Variants in ALK observed in about 807,000 individuals in gnomAD.
The protein encoded by ALK is ALK tyrosine kinase receptor.
ALK carries 74 observed loss-of-function variants against 163.1 expected under a neutral mutation model. The ratio of observed to expected loss-of-function variants is 0.45; its 90% CI spans 0.38 to 0.55. The LOEUF is 0.55. ALK is among the 20% of genes least tolerant of loss of function. The probability of loss-of-function intolerance (pLI) is 0.00; values close to 1 mark genes in which losing one functional copy is unlikely to be tolerated. For synonymous variants in ALK, 960 were observed against 843.2 expected, an observed-to-expected ratio of 1.14 and a Z score of -2.40; for missense variants, 2,063 against 2,105.3, an observed-to-expected ratio of 0.98 and a Z score of 0.39.
intron 4 of ALK, among the ~76,000 whole-genome samples, chr2:29,385,323 A>G (rs562089718): frequency 1.0e-3 from 157 of 152,216 alleles, no homozygotes; most frequent in Middle Eastern, 6.8e-3. Context: ...AAAGTCACCT[A>G]GAATACCATT....
intron 6 of ALK, among the ~76,000 whole-genome samples, chr2:29,325,714 G>A (rs1573235442): frequency 2.0e-5 from 3 of 152,222 alleles, no homozygotes; most frequent in East Asian, 1.9e-4. Context: ...GTTTGATCGT[G>A]GACAACCACT....
rs145440822 is a variant in ALK at position 29,920,087 on chromosome 2, G to A, written c.573C>T (p.Pro191=). Residue 191 remains proline (P), a synonymous_variant, in exon 1 of 29, where the codon CCC becomes CCT. Transcript: ENST00000389048. ...GEGRLRIRLM[P]EKKASEVGRE... is the part of the protein sequence containing the mutation. ...TGCCCACTTCCGACGCCTTCTTCTC[G>A]GGCATCAGGCGGATCCTCAGTCGCC... 7 of 1,614,050 alleles carry A rather than the reference G, an allele frequency of 4.3e-6. No individual in the cohort carries two copies. The Admixed American group carries it at 8.3e-5, about 19-fold the overall frequency.
intron 5 of ALK, among the ~76,000 whole-genome samples, chr2:29,379,526 A>G (rs900304294): frequency 7.9e-5 from 12 of 152,220 alleles, no homozygotes; most frequent in African/African-American, 2.9e-4. Context: ...CAATTATAAA[A>G]CACCTACTAA....
intron 1 of ALK, among the ~76,000 whole-genome samples, chr2:29,901,157 C>T (rs557479128): frequency 9.3e-4 from 141 of 152,316 alleles, no homozygotes; most frequent in African/African-American, 3.3e-3. Context: ...CTAGGCAAGT[C>T]ACTTAACCCC....
chr2:29,730,556 C>A (rs1391420205), intron 1 of ALK, among the ~76,000 whole-genome samples: 2 of 152,110 alleles, frequency 1.3e-5, no homozygotes, highest in East Asian at 1.9e-4. Context: ...TTCATTTAAG[C>A]CTTTGATCCT....
At chr2:29,330,437 C>A (rs1438045589) in intron 5 of ALK, among the ~76,000 whole-genome samples, 2 of 152,202 alleles carry the variant, frequency 1.3e-5, no homozygotes, top group Non-Finnish European at 2.9e-5. Context: ...AACCTGCCTC[C>A]AGAACGCTTG....
chr2:29,638,192 C>T (rs780065589), intron 3 of ALK, among the ~76,000 whole-genome samples: 3 of 152,216 alleles, frequency 2.0e-5, no homozygotes, highest in Non-Finnish European at 4.4e-5. Flanking sequence ...GGGACACCAG[C>T]ACCTGCTAAC....
At chr2:29,805,996 G>C (rs1231260024) in intron 1 of ALK, among the ~76,000 whole-genome samples, 1 of 152,126 alleles carries the variant, frequency 6.6e-6, no homozygotes, top group Non-Finnish European at 1.5e-5. Context: ...GTACATGTGA[G>C]TGAGGAGGTG....
chr2:29,771,213 G>A (rs1299102090), intron 1 of ALK, among the ~76,000 whole-genome samples: 1 of 151,858 alleles, frequency 6.6e-6, no homozygotes, highest in Non-Finnish European at 1.5e-5. Context: ...ACACACAAAG[G>A]AGGAAAGAAA....
chr2:29,652,539 G>A (rs116311000), intron 3 of ALK, among the ~76,000 whole-genome samples: 1 of 152,094 alleles, frequency 6.6e-6, no homozygotes, highest in Non-Finnish European at 1.5e-5. Flanking sequence ...GCTAATGATT[G>A]ACTGATGACT....
chr2:29,241,024 C>G (rs1380439978), intron 12 of ALK, among the ~76,000 whole-genome samples: 1 of 152,204 alleles, frequency 6.6e-6, no homozygotes, highest in African/African-American at 2.4e-5. Flanking sequence ...GGCCCTTCTG[C>G]AGAGGCTGTT....
chr2:29,858,963 G>A (rs939514987), intron 1 of ALK, among the ~76,000 whole-genome samples: 3 of 152,052 alleles, frequency 2.0e-5, no homozygotes, highest in Non-Finnish European at 4.4e-5. Flanking sequence ...AACCGAGGAG[G>A]TGGAGGTTGC....
chr2:29,723,091 C>T (rs1396841528), intron 1 of ALK, among the ~76,000 whole-genome samples: 2 of 152,190 alleles, frequency 1.3e-5, no homozygotes, highest in African/African-American at 2.4e-5. Context: ...ATTGACACTG[C>T]AGCCCCTGAA....
chr2:29,485,459 T>C (rs141369328), intron 4 of ALK, among the ~76,000 whole-genome samples: 9 of 152,372 alleles, frequency 5.9e-5, no homozygotes, highest in African/African-American at 2.2e-4. Context: ...TTTCATAACT[T>C]CTGGCTCTTT....
chr2:29,193,815 G>T lies in ALK; in HGVS notation c.4272C>A (p.Leu1424=). ...CCCGTTTTGCCTGTTGAGAGACCAGGAGAGGAGGAACCCCCTCAGGGTCCT... is the reference window on the plus strand; with the variant it reads ...CCCGTTTTGCCTGTTGAGAGACCAGTAGAGGAGGAACCCCCTCAGGGTCCT... ...RPKDPEGVPP[L]LVSQQAKREE... is the part of the protein sequence containing the mutation. The change falls in exon 29 of 29, where the codon CTC becomes CTA. Residue 1424 remains leucine, a synonymous_variant. Coordinates refer to ENST00000389048, the MANE Select transcript of ALK (RefSeq NM_004304.5). 6.2e-7 allele frequency: 1 copy of T among 1,606,136 alleles called. No individual in the cohort carries two copies. The highest frequency in any genetic ancestry group is 1.1e-5 in the South Asian group (1 of 89,882).
At chr2:29,380,262 T>A (rs1260987564) in intron 5 of ALK, among the ~76,000 whole-genome samples, 3 of 150,614 alleles carry the variant, frequency 2.0e-5, no homozygotes, top group Admixed American at 1.3e-4. Flanking sequence ...CCCACAACCA[T>A]GCCCAGCTAA....
In ALK at chr2:29,232,794, G is replaced by T. The variant is rs189709963; in HGVS notation, c.2488-346C>A. Among the ~76,000 whole-genome samples, 3 of 152,282 alleles carry T rather than the reference G, an allele frequency of 2.0e-5. No homozygotes were observed. In the East Asian group the frequency reaches 5.8e-4, roughly 29 times the overall value. The stretch of plus-strand genomic sequence containing the variant: ...ACTGGCCTCAGAGGTCTGGATGCTG[G>T]TGATTAGAAGCAGGTCTCTCTATGC... On this transcript the variant is annotated intron_variant, in intron 14 of 28. Coordinates refer to ENST00000389048, the MANE Select transcript of ALK (RefSeq NM_004304.5).
intron 1 of ALK, among the ~76,000 whole-genome samples, chr2:29,723,407 C>A (rs13390546): frequency 0.19 from 28,165 of 152,168 alleles, 6,242 homozygotes; most frequent in African/African-American, 0.54. Context: ...TGCTGAGAGA[C>A]AACTCATTGT....
rs543399138 is a variant in ALK, at chr2:29,683,957, C to T, written c.952+10893G>A. ...AAGGGAGCCACAGAGGTAAAATGAC[C>T]CCCAGATCCCTCTTCAACTTACGTT... On this transcript the variant is annotated intron_variant, in intron 3 of 28. Coordinates refer to ENST00000389048, the MANE Select transcript of ALK (RefSeq NM_004304.5). Among the ~76,000 whole-genome samples the T allele has an allele frequency of 2.0e-5, 3 of 152,250 alleles. No individual in the cohort carries two copies. The South Asian group carries it at 6.2e-4, about 32-fold the overall frequency.
Sources: gnomAD v4.1 joint callset for allele counts (sites outside exome capture counted in the v4.1 genomes callset) on GRCh38, gnomAD v4.1.1 for gene constraint, MANE v1.5 for transcripts, NCBI Gene and HGNC (gene_info 2026-07-23, HGNC 2026-07-21) for gene names.